The following ADCY7 variants were observed in gnomAD, a reference collection of about 807,000 sequenced individuals.
The protein encoded by ADCY7 is adenylate cyclase type 7.
A neutral mutation model predicts 120.6 loss-of-function variants in ADCY7; 72 were observed. The observed-to-expected ratio is 0.60, with a 90% CI of 0.49 to 0.73. The LOEUF is 0.73. Ranked by LOEUF, ADCY7 falls within the 30% of genes least tolerant of loss-of-function variation. ADCY7 has a pLI of 0.00. For missense variants in ADCY7, 1,227 were observed against 1,486.0 expected, an observed-to-expected ratio of 0.83 and a Z score of 2.87; for synonymous variants, 661 against 628.0, an observed-to-expected ratio of 1.05 and a Z score of -0.78.
chr16:50,258,622 C>T (rs141419257), intron 1 of ADCY7, among the ~76,000 whole-genome samples: 19 of 148,922 alleles, frequency 1.3e-4, no homozygotes, highest in African/African-American at 4.2e-4. Context: ...GAAACATGGT[C>T]CCTCTCTGTC....
At chr16:50,310,324 G>T in intron 18 of ADCY7, 1 of 772,530 alleles carries the variant, frequency 1.3e-6, no homozygotes, top group South Asian at 1.6e-5. Flanking sequence ...CTGGGGGCTG[G>T]GGAGCCACAG....
upstream of ADCY7, among the ~76,000 whole-genome samples, chr16:50,262,546 C>T (rs1018736887): frequency 7.2e-5 from 11 of 152,194 alleles, no homozygotes; most frequent in East Asian, 1.9e-4. Context: ...AGGCTGGTCT[C>T]GAACTCCTGG....
rs2035408199 is a variant in ADCY7, at chr16:50,297,170, CTGGGCAGAGT to C, written c.949-1726_949-1717del. On this transcript the variant is annotated intron_variant, in intron 7 of 25. Transcript: ENST00000673801. This position sits in a 1 kb window ranked among gnomAD's most constrained non-coding sequence, Gnocchi z 4.4. ...GCTTCCCAGTCAGAGCATCTAATCT[CTGGGCAGAGT>C]TGGGCAGGGCTGGTCCCAGCCTTTT... Among the ~76,000 whole-genome samples, 1 of 152,246 alleles carries C rather than the reference CTGGGCAGAGT, an allele frequency of 6.6e-6. No individual in the cohort carries two copies. The highest frequency in any genetic ancestry group is 1.5e-5 in the Non-Finnish European group (1 of 68,034).
At chr16:50,293,659 C>T (rs550421422) in intron 6 of ADCY7, among the ~76,000 whole-genome samples, 157 bp downstream of exon 6, 2 of 152,102 alleles carry the variant, frequency 1.3e-5, no homozygotes, top group Non-Finnish European at 2.9e-5. Flanking sequence ...TGGGGCCCTC[C>T]CTGGGTCTCA....
intron 1 of ADCY7, among the ~76,000 whole-genome samples, chr16:50,269,468 C>T (rs764720373): frequency 5.9e-5 from 9 of 152,228 alleles, no homozygotes; most frequent in Non-Finnish European, 8.8e-5. Context: ...GCCTGGACTT[C>T]GCTGGGCCCA....
intron 2 of ADCY7, among the ~76,000 whole-genome samples, chr16:50,288,781 G>A (rs991373383): frequency 1.3e-5 from 2 of 152,076 alleles, no homozygotes; most frequent in East Asian, 3.9e-4. Context: ...CCCGGCCAAT[G>A]CTCTGTCTTT....
chr16:50,251,038 T>A (rs2032742806), intron 1 of ADCY7, among the ~76,000 whole-genome samples: 1 of 152,016 alleles, frequency 6.6e-6, no homozygotes, highest in South Asian at 2.1e-4. Context: ...AGTCTGAGAC[T>A]AGCTTGAGCA....
intron 10 of ADCY7, among the ~76,000 whole-genome samples, chr16:50,302,308 GC>G (rs939134190): frequency 6.6e-6 from 1 of 152,196 alleles, no homozygotes; most frequent in Non-Finnish European, 1.5e-5. Context: ...CCAGGCTGCA[GC>G]CCCCCACCCC....
At chr16:50,308,460 C>T (rs1596978988) in intron 16 of ADCY7, 49 bp downstream of exon 16, 4 of 1,610,800 alleles carry the variant, frequency 2.5e-6, no homozygotes, top group Middle Eastern at 1.7e-4. Context: ...TGCCTCAGGA[C>T]ACCTGCCTAG....
chr16:50,276,237 G>T lies in ADCY7; in HGVS notation c.-269+9557G>T, dbSNP rs921988818. 2.6e-5 allele frequency among the ~76,000 whole-genome samples: 4 copies of T among 152,230 alleles called. No homozygotes were observed. In the South Asian group the frequency reaches 8.3e-4, roughly 32 times the overall value. ...TGCCACTCATGGCCCTGGAAAGCCG[G>T]CCTGAGTTGCTGACCAATGTTCTCT... On this transcript the variant is annotated intron_variant, in intron 1 of 25. Transcript: ENST00000673801.
upstream of ADCY7, among the ~76,000 whole-genome samples, chr16:50,263,703 G>A (rs77741550): frequency 5.9e-5 from 9 of 152,088 alleles, no homozygotes; most frequent in East Asian, 7.8e-4. Context: ...TTCTCAAGCC[G>A]AGATCATCTT....
At chr16:50,296,879 T>C (rs1444729939) in intron 7 of ADCY7, among the ~76,000 whole-genome samples, 3 of 152,150 alleles carry the variant, frequency 2.0e-5, no homozygotes, top group African/African-American at 7.2e-5. Context: ...ATCCTGGGGA[T>C]TGTGGACTGA....
chr16:50,257,236 A>G (rs985341424), intron 1 of ADCY7, among the ~76,000 whole-genome samples: 12 of 150,652 alleles, frequency 8.0e-5, no homozygotes, highest in African/African-American at 2.9e-4. Context: ...GCAAAAGACC[A>G]CCACCAACAA....
intron 2 of ADCY7, chr16:50,289,301 G>A (rs1330353907): frequency 2.3e-6 from 1 of 440,014 alleles, no homozygotes; most frequent in Non-Finnish European, 4.5e-6. Context: ...CTCCCAAAGT[G>A]TTGGGATTAC....
Position 50,292,725 on chromosome 16 carries a change from T to A in ADCY7, c.587T>A (p.Phe196Tyr). 1 of 1,613,966 alleles carries A rather than the reference T, an allele frequency of 6.2e-7. No individual in the cohort carries two copies. Among genetic ancestry groups the A allele is most frequent in the Non-Finnish European group, 8.5e-7 (1 of 1,179,978 alleles). Residue 196 changes from phenylalanine (F) to tyrosine (Y), a missense_variant, in exon 5 of 26, where the codon TTC becomes TAC. Coordinates refer to ENST00000673801, the MANE Select transcript of ADCY7 (RefSeq NM_001114.5). ...CTGTGTGGGAACCTGACAGGCGCCTTCCACAAGCACCAAATGCAGGATGCA... is the reference window on the plus strand; with the variant it reads ...CTGTGTGGGAACCTGACAGGCGCCTACCACAAGCACCAAATGCAGGATGCA... ...IFLCGNLTGAFHKHQMQDASR... is the reference protein window; with the variant it reads ...IFLCGNLTGAYHKHQMQDASR...
chr16:50,314,261 G>A (rs374592040), intron 23 of ADCY7, 31 bp from the exon 24 acceptor site: 68 of 1,604,110 alleles, frequency 4.2e-5, no homozygotes, highest in South Asian at 4.0e-4. Context: ...CTCTGGAGAT[G>A]CAAGGATCTG....
intron 23 of ADCY7, 58 bp from the exon 24 acceptor site, chr16:50,314,234 C>T: frequency 6.5e-7 from 1 of 1,539,490 alleles, no homozygotes; most frequent in Non-Finnish European, 9.0e-7. Context: ...CGCGCCAGGG[C>T]CCACTAGGTC....
At chr16:50,305,736 C>T (rs775872091) in intron 13 of ADCY7, 41 bp from the exon 14 acceptor site, 3 of 1,566,808 alleles carry the variant, frequency 1.9e-6, no homozygotes, top group Middle Eastern at 3.3e-4. Flanking sequence ...GAATGGACCC[C>T]TTCCCAGCCC....
intron 1 of ADCY7, among the ~76,000 whole-genome samples, chr16:50,248,844 A>G (rs193255116): frequency 1.8e-4 from 28 of 152,332 alleles, no homozygotes; most frequent in East Asian, 1.4e-3. Flanking sequence ...TCAGTACACA[A>G]TAGCCTCACA....
Sources: gnomAD v4.1 joint callset for allele counts (sites outside exome capture counted in the v4.1 genomes callset) on GRCh38, gnomAD v4.1.1 for gene constraint, Gnocchi (gnomAD v3.1) non-coding constraint, MANE v1.5 for transcripts, NCBI Gene and HGNC (gene_info 2026-07-23, HGNC 2026-07-21) for gene names.